BCL2L1: variants seen among roughly 807,000 people sequenced by gnomAD.
The protein encoded by BCL2L1 is bcl-2-like protein 1.
A neutral mutation model predicts 18.7 loss-of-function variants in BCL2L1; 1 was observed. That is an observed-to-expected ratio of 0.05 (90% CI 0.02 to 0.25). The LOEUF is 0.25. BCL2L1 is among the 10% of genes least tolerant of loss of function. The pLI is 1.00. For missense variants in BCL2L1, 207 were observed against 304.9 expected, an observed-to-expected ratio of 0.68 and a Z score of 2.39; for synonymous variants, 103 against 122.7, an observed-to-expected ratio of 0.84 and a Z score of 1.06.
chr20:31,713,679 A>G (rs577455683), intron 2 of BCL2L1: 5 of 760,154 alleles, frequency 6.6e-6, no homozygotes, highest in Non-Finnish European at 8.0e-6. Flanking sequence ...TCAAAAATCA[A>G]TATGTAAAAA....
intron 2 of BCL2L1, chr20:31,721,426 G>T: frequency 1.8e-6 from 1 of 547,940 alleles, no homozygotes; most frequent in Non-Finnish European, 3.2e-6. Context: ...TGGAATAGTG[G>T]AGTCATGGGG....
At chr20:31,668,398 C>G (rs1049136756) in intron 2 of BCL2L1, among the ~76,000 whole-genome samples, 2 of 151,874 alleles carry the variant, frequency 1.3e-5, no homozygotes, top group African/African-American at 4.8e-5. Context: ...GGGCTCACAG[C>G]AACCTTTGCT....
rs1380940068 is a variant in BCL2L1 at position 31,722,044 on chromosome 20, G to C, written c.175C>G (p.Leu59Val). The C allele has an allele frequency of 1.9e-6, 3 of 1,608,752 alleles. No homozygotes were observed. The Admixed American group carries it at 5.0e-5, about 27-fold the overall frequency. Residue 59 changes from leucine to valine, a missense_variant, in exon 2 of 3, where the codon CTG becomes GTG. Coordinates refer to ENST00000307677, the MANE Select transcript of BCL2L1 (RefSeq NM_138578.3). Reference sequence around the variant, plus strand: ...CCATTCACCGCGGGGCTGTCTGCCAGGTGCCAGGATGGGTTGCCATTGATG... The same window carrying C: ...CCATTCACCGCGGGGCTGTCTGCCACGTGCCAGGATGGGTTGCCATTGATG... ...SAINGNPSWH[L>V]ADSPAVNGAT...
chr20:31,668,264 A>G (rs1011288226), intron 2 of BCL2L1, among the ~76,000 whole-genome samples: 2 of 151,430 alleles, frequency 1.3e-5, no homozygotes, highest in African/African-American at 4.9e-5. Flanking sequence ...TGTCTAAAAC[A>G]GTACACCACC....
At chr20:31,723,797 G>A (rs748293665), upstream of BCL2L1, 21 of 985,344 alleles carry the variant, frequency 2.1e-5, no homozygotes, top group Non-Finnish European at 2.5e-5. Context: ...GCTTCCAGAC[G>A]CAAGAGCTCT....
At chr20:31,717,228 AG>A (rs2061551009) in intron 2 of BCL2L1, among the ~76,000 whole-genome samples, 1 of 152,208 alleles carries the variant, frequency 6.6e-6, no homozygotes. Flanking sequence ...TGGCAAAACC[AG>A]GGAGACTGGA....
intron 2 of BCL2L1, among the ~76,000 whole-genome samples, chr20:31,713,038 A>C (rs2061476992): frequency 1.3e-5 from 2 of 152,178 alleles, no homozygotes; most frequent in South Asian, 4.1e-4. Flanking sequence ...GTTATCTCTT[A>C]AGAATCCCAT....
At chr20:31,670,213 C>T (rs2060646808) in intron 2 of BCL2L1, among the ~76,000 whole-genome samples, 1 of 152,192 alleles carries the variant, frequency 6.6e-6, no homozygotes, top group African/African-American at 2.4e-5. Flanking sequence ...CCTAGCTAGC[C>T]TCTGCGGGTC....
intron 2 of BCL2L1, among the ~76,000 whole-genome samples, chr20:31,684,579 A>G (rs1000299758): frequency 1.3e-5 from 2 of 152,140 alleles, no homozygotes; most frequent in Non-Finnish European, 2.9e-5. Context: ...CAGAAGCACC[A>G]CCAATCCAGC....
intron 2 of BCL2L1, among the ~76,000 whole-genome samples, chr20:31,680,714 T>TAAAGCTTGCAGGCTTTA (rs2060844153): frequency 6.6e-6 from 1 of 152,206 alleles, no homozygotes; most frequent in Non-Finnish European, 1.5e-5. Flanking sequence ...AGTCAGGCAC[T>TAAAGCTTGCAGGCTTTA]GTACTAAGCG....
chr20:31,696,902 A>G (rs1383739201), intron 2 of BCL2L1, among the ~76,000 whole-genome samples: 1 of 152,058 alleles, frequency 6.6e-6, no homozygotes, highest in Non-Finnish European at 1.5e-5. Flanking sequence ...CCAAAAATAC[A>G]AAAATTAGCT....
chr20:31,710,896 A>G (rs1355354038), intron 2 of BCL2L1, among the ~76,000 whole-genome samples: 1 of 152,188 alleles, frequency 6.6e-6, no homozygotes, highest in African/African-American at 2.4e-5. Context: ...CTGAGTCCTC[A>G]CCCAACCGCG....
At chr20:31,720,236 G>A in intron 2 of BCL2L1, 1 of 848,626 alleles carries the variant, frequency 1.2e-6, no homozygotes, top group South Asian at 5.4e-5. Flanking sequence ...AGGGGGTGGG[G>A]TTCCAGGGCA....
intron 2 of BCL2L1, chr20:31,716,510 T>C (rs547507764): frequency 7.9e-4 from 120 of 152,228 alleles, no homozygotes; most frequent in African/African-American, 2.9e-3. Flanking sequence ...TCAATAAACA[T>C]TGTTTGACTC....
chr20:31,721,410 C>A, intron 2 of BCL2L1: 1 of 503,482 alleles, frequency 2.0e-6, no homozygotes, highest in East Asian at 3.2e-5. Flanking sequence ...AACTGGAACA[C>A]AAGTATGGAA....
intron 2 of BCL2L1, among the ~76,000 whole-genome samples, chr20:31,705,409 G>A (rs2061357055): frequency 6.6e-6 from 1 of 152,118 alleles, no homozygotes; most frequent in Admixed American, 6.5e-5. Flanking sequence ...GCTCAGAAAT[G>A]GAAAGGAATG....
At chr20:31,682,472 G>T (rs976083609) in intron 2 of BCL2L1, among the ~76,000 whole-genome samples, 30 of 152,246 alleles carry the variant, frequency 2.0e-4, no homozygotes, top group African/African-American at 7.0e-4. Context: ...TCAAGACAGG[G>T]TCTCACTCTG....
intron 2 of BCL2L1, among the ~76,000 whole-genome samples, chr20:31,705,575 G>T (rs1264764107): frequency 6.6e-6 from 1 of 152,200 alleles, no homozygotes; most frequent in Non-Finnish European, 1.5e-5. Context: ...TATAAAGGGA[G>T]CTATGGTTAT....
At chr20:31,723,516 G>A (rs531356772), upstream of BCL2L1, 12 of 985,156 alleles carry the variant, frequency 1.2e-5, no homozygotes, top group East Asian at 1.0e-3. Context: ...GCGGCTTCTC[G>A]AGCTCACTAG....
Sources: allele counts gnomAD v4.1 joint callset (sites outside exome capture counted in the v4.1 genomes callset), GRCh38; gene constraint gnomAD v4.1.1; transcripts MANE v1.5; gene names NCBI Gene and HGNC (gene_info 2026-07-23, HGNC 2026-07-21).